Variants in MTMR7 observed in about 807,000 individuals in gnomAD.
MTMR7 encodes phosphatidylinositol-3-phosphate phosphatase MTMR7.
In MTMR7, 76 loss-of-function variants were observed where a neutral mutation model predicts 81.2. The ratio of observed to expected loss-of-function variants is 0.94; its 90% CI spans 0.78 to 1.13. MTMR7 has a LOEUF of 1.13. MTMR7 is among the 50% of genes most tolerant of loss of function. The pLI, the probability that MTMR7 is intolerant of heterozygous loss-of-function variation, is 0.00. For missense variants in MTMR7, 1,044 were observed against 820.0 expected, an observed-to-expected ratio of 1.27 and a Z score of -3.34; for synonymous variants, 372 against 289.8, an observed-to-expected ratio of 1.28 and a Z score of -2.88.
intron 4 of MTMR7, among the ~76,000 whole-genome samples, chr8:17,357,415 T>C (rs1430195888): frequency 6.6e-6 from 1 of 152,204 alleles, no homozygotes; most frequent in Non-Finnish European, 1.5e-5. Context: ...GAAAACTATA[T>C]ACAGCATATG....
At position 17,300,091 on chromosome 8, in the gene MTMR7, T is replaced by G; in HGVS notation, c.1754A>C (p.Asn585Thr). The change falls in exon 14 of 14, where the codon AAT becomes ACT. Residue 585 changes from asparagine to threonine, a missense_variant. Physicochemically the swap from Asn to Thr is moderately conservative, Grantham distance 65. Transcript: ENST00000180173. ...IANTPQDYSGNMKSFPSRSPS... is the reference protein window; with the variant it reads ...IANTPQDYSGTMKSFPSRSPS... ...GCTCCGGGATGGAAATGATTTCATA[T>G]TCCCACTGTAATCCTGGGGAGTGTT... is the stretch of plus-strand genomic sequence containing the variant. 6.2e-7 allele frequency: 1 copy of G among 1,614,192 alleles called. No homozygotes were observed.
At position 17,306,847 on chromosome 8, in the gene MTMR7, GAAAC is replaced by G. The variant is rs1434282209; in HGVS notation, c.1152-894_1152-891del. Among the ~76,000 whole-genome samples the G allele has an allele frequency of 2.9e-3, 435 of 152,246 alleles. 3 individuals carry two copies. The highest frequency in any genetic ancestry group is 0.01 in the African/African-American group (421 of 41,544). Reference sequence around the variant, plus strand: ...CTAGGCTAGCCATATGTAGAAAGCTGAAACTGGATCCCTTCTTTGCACCTTATAC... The same window carrying G: ...CTAGGCTAGCCATATGTAGAAAGCTGTGGATCCCTTCTTTGCACCTTATAC... On this transcript the variant is annotated intron_variant, in intron 10 of 13. Coordinates refer to ENST00000180173, the MANE Select transcript of MTMR7 (RefSeq NM_004686.5).
chr8:17,366,080 C>T (rs539737582), intron 3 of MTMR7, among the ~76,000 whole-genome samples: 1 of 152,184 alleles, frequency 6.6e-6, no homozygotes, highest in Non-Finnish European at 1.5e-5. Context: ...GATAACCCCA[C>T]TTCCTACTTC....
intron 7 of MTMR7, among the ~76,000 whole-genome samples, chr8:17,328,494 C>G (rs539312244): frequency 1.2e-3 from 178 of 151,888 alleles, no homozygotes; most frequent in African/African-American, 4.1e-3. Context: ...CATGTTCTCA[C>G]TTAAAAGTGG....
chr8:17,334,654 G>A (rs1340374556), intron 6 of MTMR7, among the ~76,000 whole-genome samples: 7 of 152,296 alleles, frequency 4.6e-5, no homozygotes, highest in Non-Finnish European at 7.4e-5. Flanking sequence ...ATGGCCAGGC[G>A]TTAAGTGGAA....
At chr8:17,397,713 G>A (rs748126169) in intron 1 of MTMR7, among the ~76,000 whole-genome samples, 3 of 152,164 alleles carry the variant, frequency 2.0e-5, no homozygotes, top group Non-Finnish European at 4.4e-5. Context: ...GAGCCCTAGG[G>A]CCTTAAGTGA....
chr8:17,373,815 A>T (rs975069536), intron 1 of MTMR7, among the ~76,000 whole-genome samples: 2 of 152,220 alleles, frequency 1.3e-5, no homozygotes, highest in African/African-American at 4.8e-5. Flanking sequence ...AATGAATGGC[A>T]TTATCACCAC....
intron 1 of MTMR7, among the ~76,000 whole-genome samples, chr8:17,384,448 T>A (rs1820866978): frequency 6.6e-6 from 1 of 152,062 alleles, no homozygotes; most frequent in Non-Finnish European, 1.5e-5. Flanking sequence ...AACAAACATA[T>A]CCATAACACA....
chr8:17,326,198 A>C (rs1223308300), intron 7 of MTMR7: 1 of 152,180 alleles, frequency 6.6e-6, no homozygotes, highest in Non-Finnish European at 1.5e-5. Context: ...AGGCATCTGC[A>C]CTCACAGTAA....
intron 5 of MTMR7, among the ~76,000 whole-genome samples, chr8:17,347,061 T>C (rs1167424124): frequency 1.3e-5 from 2 of 151,732 alleles, no homozygotes; most frequent in East Asian, 3.9e-4. Flanking sequence ...CTGGGCCGGG[T>C]GGCACACGCG....
Position 17,305,996 on chromosome 8 carries a change from T to A in MTMR7, c.1152-39A>T, listed in dbSNP as rs747942937. ...CATTAGAGACTTTTTAAGGCAGATT[T>A]ATTTTTAAAGTACAAAGCCATAAAT... On this transcript the variant is annotated intron_variant, in intron 10 of 13. Coordinates refer to ENST00000180173, the MANE Select transcript of MTMR7 (RefSeq NM_004686.5). 5 of 1,526,166 alleles carry A rather than the reference T, an allele frequency of 3.3e-6. No individual in the cohort carries two copies. In the South Asian group the frequency reaches 6.0e-5, roughly 18 times the overall value. The allele number at this position is 1,526,166 out of a possible 1,614,324, so 94.5% of individuals were successfully genotyped here. A position where few individuals can be genotyped will look rare whatever the true frequency, so the allele number is the denominator to read the frequency against.
intron 5 of MTMR7, among the ~76,000 whole-genome samples, chr8:17,348,377 A>C (rs550289856): frequency 6.8e-6 from 1 of 146,844 alleles, no homozygotes; most frequent in African/African-American, 2.6e-5. Context: ...TTCTTTACTA[A>C]AAATACAAAA....
At chr8:17,329,780 T>C (rs1217415466) in intron 7 of MTMR7, among the ~76,000 whole-genome samples, 1 of 152,220 alleles carries the variant, frequency 6.6e-6, no homozygotes, top group Non-Finnish European at 1.5e-5. Flanking sequence ...ACAGCCAAAC[T>C]CTGCATGATA....
At chr8:17,410,377 C>G (rs769565510) in intron 1 of MTMR7, among the ~76,000 whole-genome samples, 1 of 152,184 alleles carries the variant, frequency 6.6e-6, no homozygotes, top group Admixed American at 6.5e-5. Context: ...ATCCTACAAA[C>G]ACTTCAAGCT....
chr8:17,327,921 A>G (rs1227117334), intron 7 of MTMR7, among the ~76,000 whole-genome samples: 1 of 152,192 alleles, frequency 6.6e-6, no homozygotes, highest in East Asian at 1.9e-4. Flanking sequence ...ATAATACCAC[A>G]TACTGCACAC....
intron 1 of MTMR7, among the ~76,000 whole-genome samples, chr8:17,391,495 A>G (rs988657080): frequency 5.9e-5 from 9 of 152,202 alleles, no homozygotes; most frequent in Non-Finnish European, 1.0e-4. Context: ...AGGGCCTAAA[A>G]CTGGCATAGA....
chr8:17,332,257 A>G (rs944166595), intron 6 of MTMR7, among the ~76,000 whole-genome samples: 6 of 152,334 alleles, frequency 3.9e-5, no homozygotes, highest in Admixed American at 1.3e-4. Flanking sequence ...ACAGTGCACA[A>G]TAGTACTTTT....
At chr8:17,364,637 G>C (rs1820168946) in intron 3 of MTMR7, among the ~76,000 whole-genome samples, 1 of 151,972 alleles carries the variant, frequency 6.6e-6, no homozygotes, top group Non-Finnish European at 1.5e-5. Flanking sequence ...GAGTTTAACT[G>C]TCATAGATCC....
intron 5 of MTMR7, among the ~76,000 whole-genome samples, chr8:17,344,982 C>A (rs779888302): frequency 6.6e-6 from 1 of 151,956 alleles, no homozygotes; most frequent in Non-Finnish European, 1.5e-5. Context: ...AAAATCCTAG[C>A]GTAATAAAGA....
Sources: allele counts gnomAD v4.1 joint callset (sites outside exome capture counted in the v4.1 genomes callset), GRCh38; gene constraint gnomAD v4.1.1; transcripts MANE v1.5; gene names NCBI Gene and HGNC (gene_info 2026-07-23, HGNC 2026-07-21).